TBC1D5: variants seen among roughly 807,000 people sequenced by gnomAD.
TBC1D5 encodes the protein TBC1 domain family, member 5.
A neutral mutation model predicts 100.3 loss-of-function variants in TBC1D5; 75 were observed. That is an observed-to-expected ratio of 0.75 (90% CI 0.62 to 0.91). TBC1D5 has a LOEUF of 0.91. TBC1D5 is among the 40% of genes least tolerant of loss of function. The probability of loss-of-function intolerance (pLI) is 0.00; values close to 1 mark genes in which losing one functional copy is unlikely to be tolerated. For missense variants in TBC1D5, 910 were observed against 942.4 expected (o/e 0.97, Z 0.45); for synonymous variants, 323 against 325.6 (o/e 0.99, Z 0.09).
intron 8 of TBC1D5, among the ~76,000 whole-genome samples, chr3:17,393,392 T>C (rs995694163): frequency 6.6e-6 from 1 of 152,128 alleles, no homozygotes; most frequent in African/African-American, 2.4e-5. Flanking sequence ...AAAATGGCCA[T>C]ACTGCCCAAA....
chr3:17,611,308 A>AC (rs1460766561), intron 2 of TBC1D5, among the ~76,000 whole-genome samples: 1 of 152,146 alleles, frequency 6.6e-6, no homozygotes, highest in Non-Finnish European at 1.5e-5. Flanking sequence ...TAGAGATGTC[A>AC]CTCTTAGAAT....
intron 19 of TBC1D5, among the ~76,000 whole-genome samples, chr3:17,168,672 G>C (rs1040597645): frequency 6.6e-6 from 1 of 152,138 alleles, no homozygotes; most frequent in East Asian, 1.9e-4. Flanking sequence ...GTGGAGGAAG[G>C]GAGGAGGGCA....
chr3:17,359,774 T>C (rs1429486840), intron 13 of TBC1D5, among the ~76,000 whole-genome samples: 5 of 152,134 alleles, frequency 3.3e-5, no homozygotes, highest in Non-Finnish European at 7.4e-5. Context: ...AATTACCATA[T>C]GGCAATAGAA....
chr3:17,628,289 A>C (rs1467387941), intron 1 of TBC1D5, among the ~76,000 whole-genome samples: 1 of 152,006 alleles, frequency 6.6e-6, no homozygotes, highest in Non-Finnish European at 1.5e-5. Flanking sequence ...GAACTGCTAG[A>C]ACCCAGGAGG....
intron 2 of TBC1D5, among the ~76,000 whole-genome samples, chr3:17,540,021 T>C (rs1167911499): frequency 6.6e-6 from 1 of 152,254 alleles, no homozygotes; most frequent in African/African-American, 2.4e-5. Context: ...TGTTTGATGT[T>C]GATAGTAGCC....
intron 8 of TBC1D5, among the ~76,000 whole-genome samples, chr3:17,398,063 T>C (rs1230894579): frequency 6.6e-6 from 1 of 152,166 alleles, no homozygotes; most frequent in African/African-American, 2.4e-5. Context: ...GGAAATGATA[T>C]TTTATCGTGA....
In TBC1D5 at chr3:17,374,634, A is replaced by G. The variant is rs755914258; in HGVS notation, c.747T>C (p.Asp249=). The change falls in exon 11 of 22, where the codon GAT becomes GAC. Residue 249 remains aspartate, a synonymous_variant. Coordinates refer to ENST00000253692, the Ensembl canonical transcript of TBC1D5. The stretch of plus-strand genomic sequence containing the variant: ...AAGAAAGTTTTTGTACTTACTAGGC[A>G]TCATGTTCCAGATACTCAGGGTTCA... 2.5e-6 allele frequency: 4 copies of G among 1,611,580 alleles called. No homozygotes were observed. The East Asian group carries it at 9.0e-5, about 36-fold the overall frequency.
At chr3:17,258,738 T>C (rs770113147) in intron 15 of TBC1D5, 147 bp from the exon 16 acceptor site, 27 of 501,454 alleles carry the variant, frequency 5.4e-5, no homozygotes, top group Admixed American at 8.2e-5. Context: ...GTTTTGCTTT[T>C]ATTAAATTAT....
chr3:17,659,485 G>A (rs2066440513), intron 1 of TBC1D5, among the ~76,000 whole-genome samples: 1 of 151,980 alleles, frequency 6.6e-6, no homozygotes, highest in Non-Finnish European at 1.5e-5. Flanking sequence ...AAAAGGCAAA[G>A]AGATCCCTTT....
At chr3:17,503,532 A>C in intron 3 of TBC1D5, among the ~76,000 whole-genome samples, 1 of 149,538 alleles carries the variant, frequency 6.7e-6, no homozygotes, top group East Asian at 1.9e-4. Context: ...AGGCACTCAA[A>C]TATTTACTGA....
At chr3:17,654,144 TCAAAA>T (rs776779211) in intron 1 of TBC1D5, among the ~76,000 whole-genome samples, 5 of 152,086 alleles carry the variant, frequency 3.3e-5, no homozygotes, top group Middle Eastern at 3.2e-3. Flanking sequence ...AGGGAAAAAA[TCAAAA>T]CAAAACACTT....
At chr3:17,347,732 A>G (rs2090082357) in intron 13 of TBC1D5, among the ~76,000 whole-genome samples, 1 of 152,144 alleles carries the variant, frequency 6.6e-6, no homozygotes, top group South Asian at 2.1e-4. Context: ...CCTTGGGACA[A>G]GAGTAGAGGC....
rs191675893 is a variant in TBC1D5, at chr3:17,334,830, T to C, written c.996-26696A>G. The stretch of plus-strand genomic sequence containing the variant: ...GTATCAAAAGGATTCAGCAAGGTAA[T>C]TGCAGTTGAGAACTTTTTAATTCTT... On this transcript the variant is annotated intron_variant, in intron 13 of 21. Coordinates refer to ENST00000253692, the Ensembl canonical transcript of TBC1D5. Among the ~76,000 whole-genome samples the C allele has an allele frequency of 2.4e-3, 366 of 152,258 alleles. 1 individual carries two copies. Among genetic ancestry groups the C allele is most frequent in the African/African-American group, 8.5e-3 (353 of 41,554 alleles).
At chr3:17,227,254 T>C (rs1465750969) in intron 17 of TBC1D5, among the ~76,000 whole-genome samples, 2 of 152,108 alleles carry the variant, frequency 1.3e-5, no homozygotes, top group Non-Finnish European at 2.9e-5. Flanking sequence ...GAGGGTCCTC[T>C]CTAGTGGAGA....
chr3:17,457,869 A>T (rs962036718), intron 3 of TBC1D5, among the ~76,000 whole-genome samples: 3 of 152,202 alleles, frequency 2.0e-5, no homozygotes, highest in Non-Finnish European at 4.4e-5. Flanking sequence ...CAACATAATT[A>T]GAAAGTGAGC....
chr3:17,693,378 CA>C (rs2071467522), intron 1 of TBC1D5, among the ~76,000 whole-genome samples: 1 of 152,198 alleles, frequency 6.6e-6, no homozygotes, highest in Non-Finnish European at 1.5e-5. Context: ...CACTCCCACC[CA>C]AAAACTGCGC....
rs377285719 is a variant in TBC1D5, at chr3:17,662,616, T to C, written c.-100-38703A>G. Among the ~76,000 whole-genome samples the C allele has an allele frequency of 7.6e-4, 115 of 152,178 alleles. 5 individuals are homozygous for C. The South Asian group carries it at 0.022, about 29-fold the overall frequency. ...CCTAAGAAAGTGCTTTGCTTTACTC[T>C]TTTAATTTGAATGCCTTTAGATAGA... On this transcript the variant is annotated intron_variant, in intron 1 of 21. Coordinates refer to ENST00000253692, the Ensembl canonical transcript of TBC1D5.
intron 3 of TBC1D5, among the ~76,000 whole-genome samples, chr3:17,490,443 T>A (rs939014429): frequency 2.6e-5 from 4 of 152,184 alleles, no homozygotes; most frequent in African/African-American, 9.7e-5. Flanking sequence ...TAGCTAGATT[T>A]TCTTCCAGAG....
chr3:17,584,735 C>A (rs2096721691), intron 2 of TBC1D5, among the ~76,000 whole-genome samples: 1 of 152,208 alleles, frequency 6.6e-6, no homozygotes, highest in Non-Finnish European at 1.5e-5. Context: ...CGGCTCACTG[C>A]AACCTCCACT....
Sources: gnomAD v4.1 joint callset for allele counts (sites outside exome capture counted in the v4.1 genomes callset) on GRCh38, gnomAD v4.1.1 for gene constraint, MANE v1.5 for transcripts, NCBI Gene and HGNC (gene_info 2026-07-23, HGNC 2026-07-21) for gene names.